DNMT1: variants seen among roughly 807,000 people sequenced by gnomAD.
DNMT1 encodes the protein DNA methyltransferase 1.
DNMT1 carries 24 observed loss-of-function variants against 205.3 expected under a neutral mutation model. That is an observed-to-expected ratio of 0.12 (90% CI 0.08 to 0.16). The LOEUF (loss-of-function observed/expected upper bound fraction) is 0.16, where lower values mean the gene tolerates loss of function less well. DNMT1 is among the 10% of genes least tolerant of loss of function. DNMT1 has a pLI of 1.00. For synonymous variants in DNMT1, 817 were observed against 839.8 expected (o/e 0.97, Z 0.47); for missense variants, 1,293 against 2,177.7 (o/e 0.59, Z 8.09).
At chr19:10,183,706 A>G (rs2039125039) in intron 1 of DNMT1, among the ~76,000 whole-genome samples, 6 of 151,926 alleles carry the variant, frequency 3.9e-5, no homozygotes, top group Admixed American at 3.9e-4. Flanking sequence ...GCGAAACCCC[A>G]TCTCTACTAA....
chr19:10,194,676 G>A, intron 1 of DNMT1, 144 bp downstream of exon 1: 2 of 1,184,654 alleles, frequency 1.7e-6, no homozygotes, highest in Non-Finnish European at 2.3e-6. Flanking sequence ...CCCTGCCCGC[G>A]CCAACTGCCG....
chr19:10,163,096 G>A lies in DNMT1; in HGVS notation c.926+230C>T, dbSNP rs62106243. ...TCTGCCTCAGCCTTCCGAGTAGCTG[G>A]GATTATAGGCACCCGCCACCACACC... On this transcript the variant is annotated intron_variant, in intron 12 of 40. Coordinates refer to ENST00000359526, the MANE Select transcript of DNMT1 (RefSeq NM_001130823.3). The A allele has an allele frequency of 5.6e-3, 3,323 of 592,590 alleles. 16 individuals are homozygous for A. Among genetic ancestry groups the A allele is most frequent in the Middle Eastern group, 0.017 (36 of 2,170 alleles). 36.7% of individuals were successfully genotyped at this position (592,590 alleles called of 1,614,324 possible). A position where few individuals can be genotyped will look rare whatever the true frequency, so the allele number is the denominator to read the frequency against.
intron 10 of DNMT1, among the ~76,000 whole-genome samples, chr19:10,167,445 C>T (rs1361144319): frequency 1.3e-5 from 2 of 152,204 alleles, no homozygotes; most frequent in Non-Finnish European, 2.9e-5. Flanking sequence ...GATCCACCCG[C>T]CTCAGCCTCT....
chr19:10,159,407 C>T lies in DNMT1; in HGVS notation c.1280+251G>A, dbSNP rs986059037. Reference sequence around the variant, plus strand: ...CTTTTTGTATTTTCGGTAGGTTTCGCCATGTTGGCCAGGCTGGTCTCGAAC... The same window carrying T: ...CTTTTTGTATTTTCGGTAGGTTTCGTCATGTTGGCCAGGCTGGTCTCGAAC... On this transcript the variant is annotated intron_variant, in intron 17 of 40. Coordinates refer to ENST00000359526, the MANE Select transcript of DNMT1 (RefSeq NM_001130823.3). The surrounding 1 kb of genome is among the most constrained non-coding windows in gnomAD (Gnocchi z 5.0). Among the ~76,000 whole-genome samples the T allele has an allele frequency of 1.3e-5, 2 of 152,148 alleles. No individual in the cohort carries two copies. Among genetic ancestry groups the T allele is most frequent in the African/African-American group, 4.8e-5 (2 of 41,430 alleles).
chr19:10,146,647 G>C lies in DNMT1; in HGVS notation c.2721-123C>G. On this transcript the variant is annotated intron_variant, in intron 27 of 40. Coordinates refer to ENST00000359526, the MANE Select transcript of DNMT1 (RefSeq NM_001130823.3). The surrounding 1 kb of genome is among the most constrained non-coding windows in gnomAD (Gnocchi z 4.4). ...GAGGAAAAAACATTTGCAGATGCTA[G>C]AAGGAAGAGGTGGCTTTCTTGTGCT... 1 of 1,258,986 alleles carries C rather than the reference G, an allele frequency of 7.9e-7. No individual in the cohort carries two copies. The highest frequency in any genetic ancestry group is 1.1e-6 in the Non-Finnish European group (1 of 899,994). 78.0% of individuals were successfully genotyped at this position (1,258,986 alleles called of 1,614,324 possible). A position where few individuals can be genotyped will look rare whatever the true frequency, so the allele number is the denominator to read the frequency against.
chr19:10,157,740 G>A (rs1375557068), intron 17 of DNMT1, among the ~76,000 whole-genome samples: 1 of 152,228 alleles, frequency 6.6e-6, no homozygotes, highest in South Asian at 2.1e-4. Context: ...ATAGGTTGCA[G>A]CCCTGCCTCA....
chr19:10,162,635 AAAAAAG>A, intron 13 of DNMT1, 26 bp downstream of exon 13: 3 of 1,573,012 alleles, frequency 1.9e-6, no homozygotes, highest in Non-Finnish European at 2.6e-6. Flanking sequence ...AAAAAAAAAA[AAAAAAG>A]AAAGAAAGAA....
At chr19:10,169,187 C>T (rs989301770) in intron 9 of DNMT1, among the ~76,000 whole-genome samples, 29 of 152,026 alleles carry the variant, frequency 1.9e-4, no homozygotes, top group African/African-American at 6.7e-4. Context: ...AAGTCAAATC[C>T]AACCCTCAGA....
chr19:10,160,030 G>C lies in DNMT1; in HGVS notation c.1077C>G (p.Val359=), dbSNP rs1379535287. ...GGCAGATGTTTACCTTGGAGTTCAT[G>C]ACTGTTTTGGCGCGAGCCATTTTTT... ...TEKKMARAKT[V]MNSKTHPPKC... is the part of the protein sequence containing the mutation. The change falls in exon 15 of 41, where the codon GTC becomes GTG. Residue 359 remains valine (V), a synonymous_variant. Transcript: ENST00000359526. 5 of 1,613,558 alleles carry C rather than the reference G, an allele frequency of 3.1e-6. No homozygotes were observed. The highest frequency in any genetic ancestry group is 4.2e-6 in the Non-Finnish European group (5 of 1,180,006).
rs1355165494 is a variant in DNMT1 at position 10,151,733 on chromosome 19, G to A, written c.2117+17C>T. Reference sequence around the variant, plus strand: ...GGCAAGTCCTCTGCCACAGGAGGAAGACTCGGCCTGACCTACCTCCGCTCT... The same window carrying A: ...GGCAAGTCCTCTGCCACAGGAGGAAAACTCGGCCTGACCTACCTCCGCTCT... On this transcript the variant is annotated intron_variant, in intron 23 of 40. Transcript: ENST00000359526. The surrounding 1 kb of genome is among the most constrained non-coding windows in gnomAD (Gnocchi z 5.0). The A allele has an allele frequency of 1.3e-5, 21 of 1,613,998 alleles. No individual in the cohort carries two copies. Among genetic ancestry groups the A allele is most frequent in the Non-Finnish European group, 1.6e-5 (19 of 1,179,914 alleles).
chr19:10,175,575 A>G lies in DNMT1; in HGVS notation c.613T>C (p.Ser205Pro). 1 of 1,613,848 alleles carries G rather than the reference A, an allele frequency of 6.2e-7. No homozygotes were observed. The highest frequency in any genetic ancestry group is 1.1e-5 in the South Asian group (1 of 91,058). Residue 205 changes from serine to proline, a missense_variant, in exon 7 of 41, where the codon TCG becomes CCG. Physicochemically the swap from Ser to Pro is moderately conservative, Grantham distance 74 (BLOSUM62 -1). This residue lies in a region of DNMT1 where 394 missense variants were observed against 451.6 expected (regional missense o/e 0.87). Coordinates refer to ENST00000359526, the MANE Select transcript of DNMT1 (RefSeq NM_001130823.3). ...KPQEESERAK[S>P]DESIKEEDKD... ...TCTTCTTCCTTGATGGACTCATCCG[A>G]TTTGGCTCTTTCAGACTCTTCCTGA... is the stretch of plus-strand genomic sequence containing the variant.
In DNMT1 at chr19:10,148,960, G is replaced by T. The variant is rs1305123223; in HGVS notation, c.2644C>A (p.Gln882Lys). The stretch of plus-strand genomic sequence containing the variant: ...GCGTAGTCTTGATCATACCACAGCT[G>T]GTAGAAGTAGGTCTTCCCGTCGTCC... ...EGDDGKTYFY[Q>K]LWYDQDYARF... Residue 882 changes from glutamine (Q) to lysine (K), a missense_variant, in exon 27 of 41, where the codon CAG becomes AAG. Gln to Lys is a moderately conservative substitution (Grantham distance 53). This residue lies in a region of DNMT1 where 112 missense variants were observed against 116.6 expected (regional missense o/e 0.96). Coordinates refer to ENST00000359526, the MANE Select transcript of DNMT1 (RefSeq NM_001130823.3). 1 of 1,614,122 alleles carries T rather than the reference G, an allele frequency of 6.2e-7. No individual in the cohort carries two copies. Among genetic ancestry groups the T allele is most frequent in the Non-Finnish European group, 8.5e-7 (1 of 1,180,016 alleles).
At chr19:10,161,949 C>T (rs186474777) in intron 13 of DNMT1, among the ~76,000 whole-genome samples, 9 of 151,714 alleles carry the variant, frequency 5.9e-5, no homozygotes, top group African/African-American at 2.2e-4. Context: ...TCAAGTGACT[C>T]TCCTGCCTCA....
chr19:10,162,980 T>G, intron 12 of DNMT1: 1 of 576,390 alleles, frequency 1.7e-6, no homozygotes, highest in South Asian at 2.2e-5. Context: ...TTTTTTTTTT[T>G]TTTTGAGACA....
At chr19:10,188,563 A>G (rs1386133270) in intron 1 of DNMT1, among the ~76,000 whole-genome samples, 2 of 152,092 alleles carry the variant, frequency 1.3e-5, no homozygotes, top group Admixed American at 1.3e-4. Context: ...CCACCGAAAA[A>G]TGTTCATGCC....
intron 1 of DNMT1, chr19:10,184,609 T>TC (rs1264352852): frequency 1.3e-5 from 2 of 152,044 alleles, no homozygotes; most frequent in Non-Finnish European, 2.9e-5. Context: ...GGGCAGGAGT[T>TC]CGAGTCCAGC....
Position 10,151,581 on chromosome 19 carries a change from CTAAG to C in DNMT1, c.2118-40_2118-37del. ...ACTGGTTATACCTAAGGCCCCTTTT[CTAAG>C]TAAGACCAACCGGGGCTGTTTTCTT... is the stretch of plus-strand genomic sequence containing the variant. On this transcript the variant is annotated intron_variant, in intron 23 of 40. Coordinates refer to ENST00000359526, the MANE Select transcript of DNMT1 (RefSeq NM_001130823.3). This position sits in a 1 kb window ranked among gnomAD's most constrained non-coding sequence, Gnocchi z 5.0. The C allele has an allele frequency of 6.2e-7, 1 of 1,612,622 alleles. No individual in the cohort carries two copies. Among genetic ancestry groups the C allele is most frequent in the Admixed American group, 1.7e-5 (1 of 60,018 alleles).
chr19:10,182,134 C>T, intron 1 of DNMT1, 57 bp from the exon 2 acceptor site: 1 of 1,544,706 alleles, frequency 6.5e-7, no homozygotes, highest in Non-Finnish European at 8.9e-7. Flanking sequence ...CTTCATTTGC[C>T]TGTAAGAATA....
Position 10,140,731 on chromosome 19 carries a change from CCCGGT to C in DNMT1, c.3523+45_3523+49del. The C allele has an allele frequency of 6.2e-7, 1 of 1,613,684 alleles. No individual in the cohort carries two copies. Among genetic ancestry groups the C allele is most frequent in the African/African-American group, 1.3e-5 (1 of 75,062 alleles). On this transcript the variant is annotated intron_variant, in intron 32 of 40. Coordinates refer to ENST00000359526, the MANE Select transcript of DNMT1 (RefSeq NM_001130823.3). This position sits in a 1 kb window ranked among gnomAD's most constrained non-coding sequence, Gnocchi z 8.4. ...TGGAAGTCGTTTCAGGTAGCACCTG[CCCGGT>C]CTGGGCTCACCAGGTATTCAGAGAT...
Sources: allele counts gnomAD v4.1 joint callset (sites outside exome capture counted in the v4.1 genomes callset), GRCh38; gene constraint gnomAD v4.1.1; regional missense constraint gnomAD v4.1.1; non-coding constraint Gnocchi (gnomAD v3.1); transcripts MANE v1.5; gene names NCBI Gene and HGNC (gene_info 2026-07-23, HGNC 2026-07-21).